Variants in DPY19L2 observed in about 807,000 individuals in gnomAD.
DPY19L2 encodes probable C-mannosyltransferase DPY19L2.
Under a neutral mutation model 97.9 loss-of-function variants are expected in DPY19L2, and 34 were observed. The observed-to-expected ratio is 0.35, with a 90% CI of 0.26 to 0.46. DPY19L2 has a LOEUF of 0.46. Among genes scored for constraint, DPY19L2 ranks in the 20% least tolerant of loss-of-function variants. The pLI is 1.00. For synonymous variants in DPY19L2, 230 were observed against 307.9 expected (o/e 0.75, Z 2.65); for missense variants, 623 against 911.4 (o/e 0.68, Z 4.07).
At chr12:63,605,819 A>C (rs1180161354) in intron 12 of DPY19L2, among the ~76,000 whole-genome samples, 1 of 152,210 alleles carries the variant, frequency 6.6e-6, no homozygotes, top group Non-Finnish European at 1.5e-5. Flanking sequence ...TCTCATATAG[A>C]TAGACTATCC....
intron 19 of DPY19L2, among the ~76,000 whole-genome samples, chr12:63,573,197 T>C (rs926450853): frequency 3.3e-5 from 5 of 151,962 alleles, no homozygotes; most frequent in Non-Finnish European, 7.4e-5. Context: ...GTCAACGAAA[T>C]TCAAGATAAC....
At chr12:63,646,056 T>C (rs1002373961) in intron 5 of DPY19L2, among the ~76,000 whole-genome samples, 3 of 152,160 alleles carry the variant, frequency 2.0e-5, no homozygotes, top group Admixed American at 2.0e-4. Flanking sequence ...TATTTGAATA[T>C]ATTATTCCCT....
At chr12:63,662,516 C>T (rs557734067) in intron 3 of DPY19L2, among the ~76,000 whole-genome samples, 1 of 152,018 alleles carries the variant, frequency 6.6e-6, no homozygotes, top group South Asian at 2.1e-4. Flanking sequence ...TTACTAATAA[C>T]AGCTATTATT....
At chr12:63,618,088 T>G in intron 10 of DPY19L2, 63 bp downstream of exon 10, 1 of 1,266,540 alleles carries the variant, frequency 7.9e-7, no homozygotes. Context: ...ACAGAATCAC[T>G]TCGATTTTAT....
At chr12:63,636,900 T>G (rs1891815480) in intron 6 of DPY19L2, among the ~76,000 whole-genome samples, 1 of 152,048 alleles carries the variant, frequency 6.6e-6, no homozygotes, top group Admixed American at 6.6e-5. Context: ...AACAAGGATA[T>G]CCAGGAATTG....
At chr12:63,661,590 A>T in intron 3 of DPY19L2, 109 bp from the exon 4 acceptor site, 1 of 819,552 alleles carries the variant, frequency 1.2e-6, no homozygotes, top group Non-Finnish European at 1.8e-6. Flanking sequence ...GGTTAATAAT[A>T]AGACTTCCTA....
intron 7 of DPY19L2, among the ~76,000 whole-genome samples, chr12:63,624,612 T>G (rs1391420843): frequency 2.0e-5 from 3 of 152,148 alleles, no homozygotes; most frequent in Non-Finnish European, 2.9e-5. Context: ...ATAGCTAGGA[T>G]TGCCTCAGAA....
intron 11 of DPY19L2, among the ~76,000 whole-genome samples, chr12:63,616,166 C>T (rs1214575209): frequency 1.3e-5 from 2 of 151,804 alleles, no homozygotes. Flanking sequence ...GAATCAATCC[C>T]TGCAGACACG....
chr12:63,638,762 A>C (rs1031162853), intron 6 of DPY19L2, among the ~76,000 whole-genome samples: 24 of 152,192 alleles, frequency 1.6e-4, no homozygotes, highest in Non-Finnish European at 4.4e-5. Flanking sequence ...CAATATCGTG[A>C]AAATTGCCAT....
At chr12:63,620,020 A>C (rs1449886323) in intron 9 of DPY19L2, 1 of 454,620 alleles carries the variant, frequency 2.2e-6, no homozygotes, top group Non-Finnish European at 4.4e-6. Flanking sequence ...TGGGGTTATA[A>C]TTTCATTCTT....
chr12:63,581,962 G>C (rs1220144224), intron 18 of DPY19L2, among the ~76,000 whole-genome samples: 5 of 149,200 alleles, frequency 3.4e-5, no homozygotes, highest in African/African-American at 1.2e-4. Flanking sequence ...CACCATACCC[G>C]GCTAATTTTT....
intron 11 of DPY19L2, among the ~76,000 whole-genome samples, chr12:63,615,893 G>A (rs1378441321): frequency 6.6e-6 from 1 of 151,856 alleles, no homozygotes; most frequent in African/African-American, 2.4e-5. Flanking sequence ...ATGGGTTCCA[G>A]TTGCTGCAGA....
At chr12:63,577,182 G>A (rs1257895094) in intron 19 of DPY19L2, among the ~76,000 whole-genome samples, 2 of 151,934 alleles carry the variant, frequency 1.3e-5, no homozygotes, top group African/African-American at 4.8e-5. Flanking sequence ...CATACACTGG[G>A]GAAAGGGCAA....
intron 11 of DPY19L2, among the ~76,000 whole-genome samples, chr12:63,608,877 G>C (rs1886493699): frequency 6.6e-6 from 1 of 152,220 alleles, no homozygotes; most frequent in East Asian, 1.9e-4. Context: ...TGGTTTGTGT[G>C]TCAAAAAGTT....
chr12:63,559,249 G>T lies in DPY19L2; in HGVS notation c.*1263C>A, dbSNP rs1429012199. ...TGAAAGTTGAAAAATAACTTTATTG[G>T]TTTTGCTGCATATAGCTGCCTGTCT... On this transcript the variant is annotated 3_prime_UTR_variant, in exon 22 of 22. Coordinates refer to ENST00000324472, the MANE Select transcript of DPY19L2 (RefSeq NM_173812.5). 2 of 152,062 alleles carry T rather than the reference G, an allele frequency of 1.3e-5. No homozygotes were observed. The highest frequency in any genetic ancestry group is 2.9e-5 in the Non-Finnish European group (2 of 67,994). 9.4% of individuals were successfully genotyped at this position (152,062 alleles called of 1,614,324 possible).
chr12:63,618,322 G>C, intron 9 of DPY19L2, 94 bp from the exon 10 acceptor site: 1 of 438,532 alleles, frequency 2.3e-6, no homozygotes, highest in Non-Finnish European at 4.0e-6. Flanking sequence ...GAGGGCTACA[G>C]TTCTAATAAT....
chr12:63,616,399 C>G (rs1887829700), intron 11 of DPY19L2, among the ~76,000 whole-genome samples: 2 of 152,068 alleles, frequency 1.3e-5, no homozygotes, highest in South Asian at 4.2e-4. Context: ...GGAGGGATTA[C>G]TATGAGGGAA....
At chr12:63,594,463 T>TTGTGTG (rs770320993) in intron 15 of DPY19L2, among the ~76,000 whole-genome samples, 13,730 of 71,092 alleles carry the variant, frequency 0.19, 808 homozygotes, top group East Asian at 0.34. Context: ...GAGAGAGAGA[T>TTGTGTG]AGTGTGTGTG....
chr12:63,645,524 C>G, intron 5 of DPY19L2, among the ~76,000 whole-genome samples: 1 of 152,068 alleles, frequency 6.6e-6, no homozygotes, highest in Non-Finnish European at 1.5e-5. Flanking sequence ...CACTTGATGT[C>G]CCCACTCTGA....
Sources: allele counts gnomAD v4.1 joint callset (sites outside exome capture counted in the v4.1 genomes callset), GRCh38; gene constraint gnomAD v4.1.1; transcripts MANE v1.5; gene names NCBI Gene and HGNC (gene_info 2026-07-23, HGNC 2026-07-21).